Variants in FGF12 observed in about 807,000 individuals in gnomAD.
FGF12 encodes the protein fibroblast growth factor 12B.
FGF12 carries 14 observed loss-of-function variants against 23.6 expected under a neutral mutation model. That is an observed-to-expected ratio of 0.59 (90% confidence interval 0.39 to 0.93). FGF12 has a LOEUF of 0.93. Ranked by LOEUF, FGF12 falls within the 40% of genes least tolerant of loss-of-function variation. The pLI is 0.00. For missense variants in FGF12, 175 were observed against 217.8 expected, an observed-to-expected ratio of 0.80 and a Z score of 1.24; for synonymous variants, 62 against 77.3, an observed-to-expected ratio of 0.80 and a Z score of 1.04.
At chr3:192,412,901 G>T (rs1031934209) in intron 2 of FGF12, among the ~76,000 whole-genome samples, 3 of 152,158 alleles carry the variant, frequency 2.0e-5, no homozygotes, top group Non-Finnish European at 1.5e-5. Context: ...ATGTCCCAGG[G>T]ATACCAATAC....
intron 3 of FGF12, among the ~76,000 whole-genome samples, chr3:192,348,380 C>A (rs966616662): frequency 6.6e-6 from 1 of 152,126 alleles, no homozygotes; most frequent in Non-Finnish European, 1.5e-5. Flanking sequence ...ACATCCTACA[C>A]ACCTCAAACT....
chr3:192,606,334 C>T (rs1460566715), intron 2 of FGF12, among the ~76,000 whole-genome samples: 4 of 152,032 alleles, frequency 2.6e-5, no homozygotes, highest in Admixed American at 2.6e-4. Flanking sequence ...TGCTCATGGA[C>T]ATATAGACGG....
chr3:192,703,428 T>C (rs1198356685), intron 2 of FGF12, among the ~76,000 whole-genome samples: 2 of 152,226 alleles, frequency 1.3e-5, no homozygotes, highest in Non-Finnish European at 1.5e-5. Flanking sequence ...TGGTGAAGAA[T>C]CTGGCCTTGA....
chr3:192,495,127 G>A (rs1025415173), intron 2 of FGF12, among the ~76,000 whole-genome samples: 6 of 152,108 alleles, frequency 3.9e-5, no homozygotes, highest in Non-Finnish European at 8.8e-5. Context: ...CCAAAGTGCT[G>A]GGATTACAGG....
At chr3:192,471,672 G>T (rs1723176226) in intron 2 of FGF12, among the ~76,000 whole-genome samples, 1 of 152,130 alleles carries the variant, frequency 6.6e-6, no homozygotes, top group Admixed American at 6.5e-5. Flanking sequence ...TTAAATCCAG[G>T]AATTGATAGA....
chr3:192,312,531 A>G (rs1462889137), intron 4 of FGF12, among the ~76,000 whole-genome samples: 2 of 152,092 alleles, frequency 1.3e-5, no homozygotes, highest in African/African-American at 4.8e-5. Context: ...ATAAAAAAGA[A>G]AGCATTTCAA....
At position 192,396,035 on chromosome 3, in the gene FGF12, AT is replaced by A. The variant is rs569479706; in HGVS notation, c.14-35498del. On this transcript the variant is annotated intron_variant, in intron 2 of 5. Transcript: ENST00000445105. ...AACCTTGATTGTGGAGCCTATTCAT[AT>A]TGATGATACAATAATAAACTGTCTG... Among the ~76,000 whole-genome samples, 276 of 152,344 alleles carry A rather than the reference AT, an allele frequency of 1.8e-3. 3 individuals carry two copies. Among genetic ancestry groups the A allele is most frequent in the Admixed American group, 0.017 (253 of 15,298 alleles).
chr3:192,428,204 T>C (rs916450030), intron 2 of FGF12, among the ~76,000 whole-genome samples: 3 of 152,198 alleles, frequency 2.0e-5, no homozygotes, highest in Non-Finnish European at 2.9e-5. Context: ...CTACCTTGCA[T>C]TACATTGATT....
At chr3:192,560,440 G>T (rs1429703193) in intron 2 of FGF12, among the ~76,000 whole-genome samples, 2 of 151,838 alleles carry the variant, frequency 1.3e-5, no homozygotes, top group Non-Finnish European at 2.9e-5. Flanking sequence ...TAATAAGATG[G>T]TTAAACCCTA....
chr3:192,378,195 C>T (rs988000636), intron 2 of FGF12, among the ~76,000 whole-genome samples: 13 of 149,260 alleles, frequency 8.7e-5, no homozygotes, highest in Admixed American at 7.9e-4. Context: ...ACTGCAGCTT[C>T]GAACTCCTGA....
At chr3:192,472,364 G>A (rs1013390661) in intron 2 of FGF12, among the ~76,000 whole-genome samples, 1 of 152,006 alleles carries the variant, frequency 6.6e-6, no homozygotes, top group African/African-American at 2.4e-5. Flanking sequence ...GTCCGTATTG[G>A]GTCAGGCCTC....
At chr3:192,378,115 CTCTT>C (rs34638604) in intron 2 of FGF12, among the ~76,000 whole-genome samples, 43,303 of 98,882 alleles carry the variant, frequency 0.44, 11,446 homozygotes, top group African/African-American at 0.47. Flanking sequence ...CCTTCTTTCT[CTCTT>C]TGTTTTTTTT....
chr3:192,168,927 T>C (rs1188171439), intron 5 of FGF12, among the ~76,000 whole-genome samples: 1 of 152,130 alleles, frequency 6.6e-6, no homozygotes, highest in Non-Finnish European at 1.5e-5. Context: ...AAGAAGGCCA[T>C]CATGGAAGTA....
chr3:192,349,283 T>C (rs574424653), intron 3 of FGF12, among the ~76,000 whole-genome samples: 5 of 152,218 alleles, frequency 3.3e-5, no homozygotes, highest in African/African-American at 1.2e-4. Context: ...TTCTACTTAC[T>C]GTACTTAGAG....
At chr3:192,314,986 G>A (rs1013596724) in intron 4 of FGF12, among the ~76,000 whole-genome samples, 32 of 152,152 alleles carry the variant, frequency 2.1e-4, no homozygotes, top group Non-Finnish European at 1.5e-4. Flanking sequence ...GATGAACCAG[G>A]ACATAGAGTT....
At chr3:192,526,061 C>T (rs566472062) in intron 2 of FGF12, among the ~76,000 whole-genome samples, 8 of 152,306 alleles carry the variant, frequency 5.3e-5, no homozygotes, top group South Asian at 4.1e-4. Context: ...CATGAGCCAC[C>T]GCGCCTGGCC....
At chr3:192,555,534 A>G (rs986074472) in intron 2 of FGF12, among the ~76,000 whole-genome samples, 1 of 151,722 alleles carries the variant, frequency 6.6e-6, no homozygotes, top group African/African-American at 2.4e-5. Context: ...TGTAACCCCA[A>G]CAATTTGGGA....
intron 4 of FGF12, among the ~76,000 whole-genome samples, chr3:192,305,679 A>AAAAT (rs1423738741): frequency 4.8e-3 from 632 of 131,918 alleles, no homozygotes; most frequent in Non-Finnish European, 7.9e-3. Flanking sequence ...AAAAAAAAAA[A>AAAAT]ATATATATAT....
At position 192,594,793 on chromosome 3, in the gene FGF12, A is replaced by G. The variant is rs1012238891; in HGVS notation, c.13+132388T>C. ...ACCAGACGCAACCCCTCAGTCTTAG[A>G]CTTCCCAGTCTCCAGAACTGTAAGA... On this transcript the variant is annotated intron_variant, in intron 2 of 5. Transcript: ENST00000445105. 6.8e-4 allele frequency among the ~76,000 whole-genome samples: 103 copies of G among 151,980 alleles called. 1 individual carries two copies. The highest frequency in any genetic ancestry group is 2.2e-3 in the African/African-American group (92 of 41,542).
Sources: allele counts gnomAD v4.1 joint callset (sites outside exome capture counted in the v4.1 genomes callset), GRCh38; gene constraint gnomAD v4.1.1; transcripts MANE v1.5; gene names NCBI Gene and HGNC (gene_info 2026-07-23, HGNC 2026-07-21).